The following PRKG2 variants were observed in gnomAD, a reference collection of about 807,000 sequenced individuals.
The protein encoded by PRKG2 is cGMP-dependent protein kinase 2.
In PRKG2, 33 loss-of-function variants were observed where a neutral mutation model predicts 97.2. The observed-to-expected ratio is 0.34, with a 90% confidence interval of 0.26 to 0.45. PRKG2 has a LOEUF of 0.45. Among genes scored for constraint, PRKG2 ranks in the 20% least tolerant of loss-of-function variants. PRKG2 has a pLI of 1.00. For missense variants in PRKG2, 638 were observed against 900.0 expected (o/e 0.71, Z 3.73); for synonymous variants, 330 against 321.8 (o/e 1.03, Z -0.27).
chr4:81,126,048 GC>G (rs1560558670), intron 14 of PRKG2, among the ~76,000 whole-genome samples: 1 of 152,048 alleles, frequency 6.6e-6, no homozygotes, highest in East Asian at 1.9e-4. Context: ...CCGCCAACAG[GC>G]CCCGGTGTGT....
chr4:81,112,445 G>C (rs932256036), intron 14 of PRKG2, among the ~76,000 whole-genome samples: 1 of 149,378 alleles, frequency 6.7e-6, no homozygotes, highest in African/African-American at 2.5e-5. Context: ...TGAAAATATT[G>C]TTTTGTTGGT....
In PRKG2 at chr4:81,189,779, G is replaced by GA. The variant is rs1318523108; in HGVS notation, c.461+14807dup. Reference sequence around the variant, plus strand: ...AGTATAATAAGAATAATAATAAAAAGAAAAAAAACAGACAGAGAGCCAAAT... The same window carrying GA: ...AGTATAATAAGAATAATAATAAAAAGAAAAAAAAACAGACAGAGAGCCAAAT... On this transcript the variant is annotated intron_variant, in intron 2 of 18. Coordinates refer to ENST00000264399, the MANE Select transcript of PRKG2 (RefSeq NM_006259.3). 3.3e-5 allele frequency among the ~76,000 whole-genome samples: 5 copies of GA among 149,658 alleles called. No individual in the cohort carries two copies. In the South Asian group the frequency reaches 8.9e-4, roughly 27 times the overall value.
chr4:81,178,084 G>C (rs1751094458), intron 2 of PRKG2, among the ~76,000 whole-genome samples: 2 of 134,104 alleles, frequency 1.5e-5, no homozygotes, highest in Non-Finnish European at 3.2e-5. Context: ...TCTACCTGGG[G>C]TCCTGGTAAC....
chr4:81,174,639 A>G (rs970701129), intron 3 of PRKG2, among the ~76,000 whole-genome samples, 154 bp downstream of exon 3: 2 of 152,112 alleles, frequency 1.3e-5, no homozygotes, highest in East Asian at 1.9e-4. Flanking sequence ...CATTACCATC[A>G]TCATGATTAG....
At chr4:81,150,725 T>A (rs1748315639) in intron 8 of PRKG2, among the ~76,000 whole-genome samples, 1 of 152,150 alleles carries the variant, frequency 6.6e-6, no homozygotes, top group Admixed American at 6.6e-5. Flanking sequence ...TGCTGTGCAC[T>A]TTCAAGCTTC....
chr4:81,119,634 G>A (rs544893007), intron 14 of PRKG2, among the ~76,000 whole-genome samples: 9 of 151,682 alleles, frequency 5.9e-5, no homozygotes, highest in Non-Finnish European at 1.2e-4. Context: ...GTTTCTCACT[G>A]TACACAAAAT....
At chr4:81,153,019 A>G (rs577091227) in intron 7 of PRKG2, among the ~76,000 whole-genome samples, 3 of 152,198 alleles carry the variant, frequency 2.0e-5, no homozygotes, top group African/African-American at 7.2e-5. Context: ...CTTCCCTTCA[A>G]TATTTCACAA....
chr4:81,137,329 C>G, intron 13 of PRKG2, 64 bp downstream of exon 13: 1 of 1,150,698 alleles, frequency 8.7e-7, no homozygotes, highest in East Asian at 2.3e-5. Context: ...TTCCTCTATG[C>G]CTTTTTTAAT....
chr4:81,093,565 C>T (rs1013718409), intron 17 of PRKG2, among the ~76,000 whole-genome samples: 2 of 152,198 alleles, frequency 1.3e-5, no homozygotes, highest in African/African-American at 2.4e-5. Context: ...TCTCTGTGCC[C>T]CAGCACTTGG....
intron 17 of PRKG2, among the ~76,000 whole-genome samples, chr4:81,102,202 A>G (rs1005474666): frequency 1.3e-5 from 2 of 152,216 alleles, no homozygotes; most frequent in African/African-American, 2.4e-5. Flanking sequence ...CTTTATTGCT[A>G]TGCTGAGGTG....
chr4:81,205,169 C>T, intron 1 of PRKG2, 109 bp from the exon 2 acceptor site: 1 of 657,066 alleles, frequency 1.5e-6, no homozygotes, highest in Admixed American at 3.4e-5. Context: ...CAGTAATCTT[C>T]ATTGTTTGAA....
At chr4:81,167,462 C>A (rs1182238492) in intron 5 of PRKG2, among the ~76,000 whole-genome samples, 1 of 150,098 alleles carries the variant, frequency 6.7e-6, no homozygotes, top group Admixed American at 6.7e-5. Context: ...TAGTAAGATA[C>A]CAGACAGGGG....
chr4:81,194,060 CAAGTA>C (rs1278352704), intron 2 of PRKG2, among the ~76,000 whole-genome samples: 1 of 152,054 alleles, frequency 6.6e-6, no homozygotes, highest in East Asian at 1.9e-4. Context: ...TCTACCCTAC[CAAGTA>C]AAGAATGTGC....
chr4:81,193,713 G>A (rs76545925), intron 2 of PRKG2, among the ~76,000 whole-genome samples: 26,770 of 151,824 alleles, frequency 0.18, 4,220 homozygotes, highest in African/African-American at 0.41. Context: ...GGTGGTGGGC[G>A]CCCGTAATCC....
intron 2 of PRKG2, among the ~76,000 whole-genome samples, chr4:81,190,549 A>G (rs542248796): frequency 6.6e-6 from 1 of 152,292 alleles, no homozygotes; most frequent in East Asian, 1.9e-4. Context: ...TGACTAAAAC[A>G]CCAAAAGCAA....
At chr4:81,121,073 C>G (rs1215306386) in intron 14 of PRKG2, among the ~76,000 whole-genome samples, 1 of 151,840 alleles carries the variant, frequency 6.6e-6, no homozygotes, top group Non-Finnish European at 1.5e-5. Flanking sequence ...TTTTTTCAGC[C>G]TGCTGGTGTA....
intron 3 of PRKG2, among the ~76,000 whole-genome samples, chr4:81,172,975 C>A (rs1302112756): frequency 6.6e-6 from 1 of 152,104 alleles, no homozygotes; most frequent in Non-Finnish European, 1.5e-5. Flanking sequence ...TTTAAAATTT[C>A]TCATTAGCTA....
chr4:81,122,319 T>C (rs181811445), intron 14 of PRKG2, among the ~76,000 whole-genome samples: 166 of 152,270 alleles, frequency 1.1e-3, no homozygotes, highest in Admixed American at 7.4e-3. Context: ...CAGTAAGATA[T>C]AGGAAACTCT....
chr4:81,138,390 G>C (rs1746929471), intron 12 of PRKG2, among the ~76,000 whole-genome samples: 1 of 152,116 alleles, frequency 6.6e-6, no homozygotes. Flanking sequence ...GATAGAAGAA[G>C]CAATCAGGTA....
Sources: gnomAD v4.1 joint callset for allele counts (sites outside exome capture counted in the v4.1 genomes callset) on GRCh38, gnomAD v4.1.1 for gene constraint, MANE v1.5 for transcripts, NCBI Gene and HGNC (gene_info 2026-07-23, HGNC 2026-07-21) for gene names.